VOPP1: variants seen among roughly 807,000 people sequenced by gnomAD.
The protein encoded by VOPP1 is VOPP1 WW domain binding protein.
Under a neutral mutation model 23.5 loss-of-function variants are expected in VOPP1, and 8 were observed. The observed-to-expected ratio is 0.34, with a 90% confidence interval of 0.20 to 0.61. The LOEUF (loss-of-function observed/expected upper bound fraction) is 0.61, where lower values mean the gene tolerates loss of function less well. VOPP1 is among the 20% of genes least tolerant of loss of function. The probability of loss-of-function intolerance (pLI) is 0.78; values close to 1 mark genes in which losing one functional copy is unlikely to be tolerated. For missense variants in VOPP1, 174 were observed against 238.1 expected, an observed-to-expected ratio of 0.73 and a Z score of 1.77; for synonymous variants, 83 against 97.3, an observed-to-expected ratio of 0.85 and a Z score of 0.86.
chr7:55,541,086 A>G (rs1216090576), intron 1 of VOPP1, among the ~76,000 whole-genome samples: 3 of 152,236 alleles, frequency 2.0e-5, no homozygotes, highest in African/African-American at 7.2e-5. Flanking sequence ...TTACCGCTCA[A>G]TATCAAAAAC....
At chr7:55,457,389 C>T (rs868443717) in intron 4 of VOPP1, among the ~76,000 whole-genome samples, 1 of 152,004 alleles carries the variant, frequency 6.6e-6, no homozygotes, top group Non-Finnish European at 1.5e-5. Context: ...TAGATGATTC[C>T]GTATGTTGGC....
At chr7:55,534,539 A>G (rs1796672131) in intron 1 of VOPP1, among the ~76,000 whole-genome samples, 1 of 152,078 alleles carries the variant, frequency 6.6e-6, no homozygotes, top group Non-Finnish European at 1.5e-5. Context: ...TCTGCTTTTG[A>G]GCTCGCTCTG....
At chr7:55,473,186 G>A (rs1791969950) in intron 4 of VOPP1, 141 bp from the exon 5 acceptor site, 1 of 1,320,030 alleles carries the variant, frequency 7.6e-7, no homozygotes, top group South Asian at 1.7e-5. Flanking sequence ...GCCCGGTGAG[G>A]GGGCACCTGG....
chr7:55,519,136 C>T (rs749545005), intron 2 of VOPP1, among the ~76,000 whole-genome samples: 2 of 152,216 alleles, frequency 1.3e-5, no homozygotes, highest in Admixed American at 1.3e-4. Context: ...TACTCTCACG[C>T]TGAACTTCGT....
chr7:55,469,084 A>AT (rs936600580), downstream of VOPP1, among the ~76,000 whole-genome samples: 9 of 151,950 alleles, frequency 5.9e-5, no homozygotes, highest in African/African-American at 7.3e-5. Context: ...GTTCACGGTA[A>AT]TTTTTTTTCA....
At chr7:55,572,128 A>T in intron 1 of VOPP1, 143 bp downstream of exon 1, 1 of 533,504 alleles carries the variant, frequency 1.9e-6, no homozygotes, top group Non-Finnish European at 3.1e-6. Flanking sequence ...CAGCTCCGGG[A>T]GGCGCGCAGG....
intron 2 of VOPP1, among the ~76,000 whole-genome samples, chr7:55,501,015 G>A (rs1489795802): frequency 6.6e-6 from 1 of 152,150 alleles, no homozygotes; most frequent in Non-Finnish European, 1.5e-5. Context: ...TGGTAACAGA[G>A]ACAATGTGAA....
chr7:55,569,703 C>T (rs1798284931), intron 1 of VOPP1, among the ~76,000 whole-genome samples: 1 of 152,192 alleles, frequency 6.6e-6, no homozygotes, highest in Non-Finnish European at 1.5e-5. Flanking sequence ...AGTAAGCAAA[C>T]ATAAATATGC....
chr7:55,501,719 C>T (rs1794382252), intron 2 of VOPP1, among the ~76,000 whole-genome samples: 1 of 152,162 alleles, frequency 6.6e-6, no homozygotes, highest in South Asian at 2.1e-4. Flanking sequence ...CATGAACAGC[C>T]TCCTCTGCAC....
chr7:55,508,314 C>A (rs1312423410), intron 2 of VOPP1, among the ~76,000 whole-genome samples: 1 of 152,176 alleles, frequency 6.6e-6, no homozygotes, highest in South Asian at 2.1e-4. Flanking sequence ...GTCACCCAGG[C>A]TGGAGTGCAA....
At chr7:55,435,554 G>A (rs1790801967), downstream of VOPP1, among the ~76,000 whole-genome samples, 1 of 152,192 alleles carries the variant, frequency 6.6e-6, no homozygotes, top group Admixed American at 6.5e-5. Context: ...CATAGGAAGT[G>A]GTGGTCCAGG....
chr7:55,510,253 T>C (rs922343758), intron 2 of VOPP1, among the ~76,000 whole-genome samples: 3 of 152,228 alleles, frequency 2.0e-5, no homozygotes, highest in Non-Finnish European at 4.4e-5. Context: ...TTATAACTAA[T>C]GTCTGAGTCC....
chr7:55,555,470 G>A (rs887299657), intron 1 of VOPP1, among the ~76,000 whole-genome samples: 19 of 152,158 alleles, frequency 1.2e-4, no homozygotes, highest in African/African-American at 4.6e-4. Flanking sequence ...TAAAATGAGC[G>A]GCAACATGTA....
At chr7:55,509,837 T>A (rs1794959917) in intron 2 of VOPP1, among the ~76,000 whole-genome samples, 1 of 152,212 alleles carries the variant, frequency 6.6e-6, no homozygotes, top group African/African-American at 2.4e-5. Context: ...ACCAGAAACC[T>A]CTGATTTATT....
In VOPP1 at chr7:55,538,712, C is replaced by T. The variant is rs761395732; in HGVS notation, c.55-17582G>A. ...TACTTAGCTGTTCATCAAGAGAGGG[C>T]GGATTAAAATGAGTCATGGCCATTC... On this transcript the variant is annotated intron_variant, in intron 1 of 4. Transcript: ENST00000285279. 5.9e-6 allele frequency: 9 copies of T among 1,515,298 alleles called. No individual in the cohort carries two copies. In the African/African-American group the frequency reaches 6.9e-5, roughly 12 times the overall value. The allele number at this position is 1,515,298 out of a possible 1,614,324, so 93.9% of individuals were successfully genotyped here.
At chr7:55,449,262 G>A (rs1192545469) in intron 4 of VOPP1, among the ~76,000 whole-genome samples, 1 of 152,178 alleles carries the variant, frequency 6.6e-6, no homozygotes, top group Non-Finnish European at 1.5e-5. Context: ...GGGGACGGCC[G>A]GGGAGGGCCC....
chr7:55,469,292 G>T (rs1791714739), downstream of VOPP1, among the ~76,000 whole-genome samples: 1 of 152,118 alleles, frequency 6.6e-6, no homozygotes, highest in African/African-American at 2.4e-5. Context: ...GGCTCCTCAG[G>T]CTCAGCCCAG....
intron 1 of VOPP1, among the ~76,000 whole-genome samples, chr7:55,551,805 C>T (rs1202904397): frequency 6.6e-6 from 1 of 151,986 alleles, no homozygotes; most frequent in Non-Finnish European, 1.5e-5. Context: ...TTTGGGAGGC[C>T]CAGGAGCGTG....
chr7:55,489,579 G>A (rs115815592), intron 4 of VOPP1, among the ~76,000 whole-genome samples: 1,824 of 152,280 alleles, frequency 0.012, 12 homozygotes, highest in Middle Eastern at 0.02. Context: ...ATGCAGCGGT[G>A]ACTGAGGGCA....
Sources: gnomAD v4.1 joint callset for allele counts (sites outside exome capture counted in the v4.1 genomes callset) on GRCh38, gnomAD v4.1.1 for gene constraint, MANE v1.5 for transcripts, NCBI Gene and HGNC (gene_info 2026-07-23, HGNC 2026-07-21) for gene names.